Variants in LGR4 observed in about 807,000 individuals in gnomAD.
LGR4 encodes the protein leucine rich repeat containing G protein-coupled receptor 4, also known as leucine-rich repeat-containing G protein-coupled receptor 4.
In LGR4, 44 loss-of-function variants were observed where a neutral mutation model predicts 84.8. The observed-to-expected ratio is 0.52, with a 90% CI of 0.41 to 0.67. The LOEUF (loss-of-function observed/expected upper bound fraction) is 0.67, where lower values mean the gene tolerates loss of function less well. Among genes scored for constraint, LGR4 ranks in the 30% least tolerant of loss-of-function variants. The probability of loss-of-function intolerance (pLI) is 0.00; values close to 1 mark genes in which losing one functional copy is unlikely to be tolerated. For missense variants in LGR4, 1,032 were observed against 1,131.4 expected (o/e 0.91, Z 1.26); for synonymous variants, 429 against 434.3 (o/e 0.99, Z 0.15).
At chr11:27,455,530 C>G (rs1422848878) in intron 1 of LGR4, among the ~76,000 whole-genome samples, 2 of 152,162 alleles carry the variant, frequency 1.3e-5, no homozygotes, top group African/African-American at 4.8e-5. Context: ...AACGACATAG[C>G]CTTTTTGATG....
intron 4 of LGR4, among the ~76,000 whole-genome samples, chr11:27,386,781 C>T (rs1269273977): frequency 6.6e-6 from 1 of 152,152 alleles, no homozygotes; most frequent in African/African-American, 2.4e-5. Flanking sequence ...CTAATAGAGT[C>T]AAGATAACTG....
At chr11:27,370,614 C>G (rs1247041955) in intron 17 of LGR4, among the ~76,000 whole-genome samples, 1 of 152,182 alleles carries the variant, frequency 6.6e-6, no homozygotes, top group East Asian at 1.9e-4. Flanking sequence ...GCATTTCATC[C>G]CCATGGCAGC....
At chr11:27,453,917 T>C (rs1208989833) in intron 1 of LGR4, among the ~76,000 whole-genome samples, 1 of 152,200 alleles carries the variant, frequency 6.6e-6, no homozygotes, top group Non-Finnish European at 1.5e-5. Flanking sequence ...ACATGCCTCA[T>C]TATATCCTAC....
intron 13 of LGR4, among the ~76,000 whole-genome samples, chr11:27,374,831 A>C (rs1392723737): frequency 6.6e-6 from 1 of 152,188 alleles, no homozygotes; most frequent in Admixed American, 6.5e-5. Context: ...AGGCTTACAC[A>C]AAGTTAGTCC....
chr11:27,419,615 A>T (rs1021750204), intron 1 of LGR4, among the ~76,000 whole-genome samples: 1 of 147,580 alleles, frequency 6.8e-6, no homozygotes, highest in Admixed American at 6.8e-5. Flanking sequence ...ATATATAAAT[A>T]TAATATATAA....
intron 1 of LGR4, among the ~76,000 whole-genome samples, chr11:27,434,636 A>T (rs1472216897): frequency 2.0e-5 from 3 of 152,230 alleles, no homozygotes; most frequent in Non-Finnish European, 4.4e-5. Context: ...GCTAAAGACA[A>T]TCTGTCAAGG....
In LGR4 at chr11:27,467,151, T is replaced by C. The variant is rs887141122; in HGVS notation, c.185+4967A>G. ...TTGCCTGTGAGGCATGAGTTCCCCA[T>C]GCAATGGAAATATTCCAGGTGAACT... is the stretch of plus-strand genomic sequence containing the variant. On this transcript the variant is annotated intron_variant, in intron 1 of 17. Transcript: ENST00000379214. Among the ~76,000 whole-genome samples the C allele has an allele frequency of 3.9e-5, 6 of 152,102 alleles. No individual in the cohort carries two copies. The East Asian group carries it at 1.2e-3, about 29-fold the overall frequency.
chr11:27,392,434 T>C lies in LGR4; in HGVS notation c.329+13A>G. On this transcript the variant is annotated intron_variant, in intron 3 of 17. Transcript: ENST00000379214. ...CACAGCCAGCTGTGAAACTCTAAAA[T>C]TGCATTACTTACAGAACTTTGAGTT... 2 of 1,569,720 alleles carry C rather than the reference T, an allele frequency of 1.3e-6. No individual in the cohort carries two copies. The highest frequency in any genetic ancestry group is 1.7e-6 in the Non-Finnish European group (2 of 1,161,394).
intron 1 of LGR4, among the ~76,000 whole-genome samples, chr11:27,416,352 C>T (rs1356081342): frequency 2.6e-5 from 4 of 152,106 alleles, no homozygotes; most frequent in Middle Eastern, 3.2e-3. Flanking sequence ...CTGGCTTCTT[C>T]GTTTGTAAAA....
chr11:27,391,153 A>T lies in LGR4; in HGVS notation c.342T>A (p.Asn114Lys). ...CACTGGGTACTGTTTTCAACTGATT[A>T]TTCTGGAGCGTTCTGAAAGAAAATT... ...LKELKVLTLQ[N>K]NQLKTVPSEA... Residue 114 changes from asparagine to lysine, a missense_variant, in exon 4 of 18, where the codon AAT (asparagine) becomes AAA (lysine). Transcript: ENST00000379214. 1 of 1,598,976 alleles carries T rather than the reference A, an allele frequency of 6.3e-7. No individual in the cohort carries two copies. The highest frequency in any genetic ancestry group is 8.5e-7 in the Non-Finnish European group (1 of 1,172,760).
At chr11:27,390,976 C>A (rs1470855559) in intron 4 of LGR4, 118 bp downstream of exon 4, 11 of 638,868 alleles carry the variant, frequency 1.7e-5, no homozygotes, top group Non-Finnish European at 2.9e-5. Flanking sequence ...GACTAGCTAT[C>A]TCTGTTTTTA....
At position 27,373,620 on chromosome 11, in the gene LGR4, T is replaced by G; in HGVS notation, c.1310A>C (p.Asn437Thr). The change falls in exon 15 of 18, where the codon AAT becomes ACT. Residue 437 changes from asparagine to threonine, a missense_variant. Coordinates refer to ENST00000379214, the MANE Select transcript of LGR4 (RefSeq NM_018490.5). ...SFPTEGLNGL[N>T]QLKLVGNFKL... is the part of the protein sequence containing the mutation. ...GAAGTTGCCCACAAGTTTCAGTTGA[T>G]TTAGCCCATTCAGGCCTTCCGTAGG... 6.2e-7 allele frequency: 1 copy of G among 1,603,228 alleles called. No individual in the cohort carries two copies. The highest frequency in any genetic ancestry group is 8.5e-7 in the Non-Finnish European group (1 of 1,173,212).
intron 1 of LGR4, among the ~76,000 whole-genome samples, chr11:27,455,742 A>G (rs1864563148): frequency 6.6e-6 from 1 of 152,190 alleles, no homozygotes; most frequent in Non-Finnish European, 1.5e-5. Context: ...ACATTTAGGA[A>G]GAGCACTGAA....
intron 1 of LGR4, among the ~76,000 whole-genome samples, chr11:27,452,081 G>A (rs980800788): frequency 4.6e-5 from 7 of 152,102 alleles, no homozygotes; most frequent in Non-Finnish European, 2.9e-5. Flanking sequence ...ATGCTCTCAG[G>A]GAGCAAAATA....
chr11:27,378,112 C>T (rs1863023400), intron 11 of LGR4, among the ~76,000 whole-genome samples: 1 of 152,148 alleles, frequency 6.6e-6, no homozygotes, highest in South Asian at 2.1e-4. Flanking sequence ...CCCCATGACA[C>T]ATTTCTTAGA....
At chr11:27,414,396 TA>T (rs372024424) in intron 1 of LGR4, among the ~76,000 whole-genome samples, 13,673 of 144,888 alleles carry the variant, frequency 0.094, 816 homozygotes, top group African/African-American at 0.16. Context: ...AACCGGGGTT[TA>T]AAAAAAAAAA....
chr11:27,455,324 G>A (rs1255830713), intron 1 of LGR4, among the ~76,000 whole-genome samples: 7 of 152,078 alleles, frequency 4.6e-5, no homozygotes, highest in Non-Finnish European at 1.0e-4. Context: ...TGGGGAATTT[G>A]AGCCAGATCA....
At chr11:27,387,697 T>C (rs1359015089) in intron 4 of LGR4, among the ~76,000 whole-genome samples, 1 of 152,074 alleles carries the variant, frequency 6.6e-6, no homozygotes, top group Non-Finnish European at 1.5e-5. Flanking sequence ...ATAGGCCAGG[T>C]AGGGGGTTTG....
At chr11:27,447,291 A>C (rs1334334615) in intron 1 of LGR4, among the ~76,000 whole-genome samples, 1 of 152,168 alleles carries the variant, frequency 6.6e-6, no homozygotes, top group African/African-American at 2.4e-5. Flanking sequence ...ACTCTGATAA[A>C]ACAGGATGCA....
Sources: allele counts gnomAD v4.1 joint callset (sites outside exome capture counted in the v4.1 genomes callset), GRCh38; gene constraint gnomAD v4.1.1; transcripts MANE v1.5; gene names NCBI Gene and HGNC (gene_info 2026-07-23, HGNC 2026-07-21).